Variants in PACRG observed in about 807,000 individuals in gnomAD.
PACRG encodes parkin coregulated gene protein.
A neutral mutation model predicts 29.7 loss-of-function variants in PACRG; 29 were observed. That is an observed-to-expected ratio of 0.98 (90% CI 0.73 to 1.33). PACRG has a LOEUF of 1.33. Ranked by LOEUF, PACRG falls within the 40% of genes most tolerant of loss-of-function variation. The pLI, the probability that PACRG is intolerant of heterozygous loss-of-function variation, is 0.00. For synonymous variants in PACRG, 116 were observed against 118.7 expected (o/e 0.98, Z 0.15); for missense variants, 279 against 316.2 (o/e 0.88, Z 0.89).
At chr6:162,775,919 T>A (rs1258311345) in intron 1 of PACRG, among the ~76,000 whole-genome samples, 1 of 152,222 alleles carries the variant, frequency 6.6e-6, no homozygotes, top group African/African-American at 2.4e-5. Context: ...AAGTTTGTCT[T>A]ATGATAACTC....
intron 2 of PACRG, among the ~76,000 whole-genome samples, chr6:162,978,778 T>C (rs1228935573): frequency 2.6e-5 from 4 of 152,268 alleles, no homozygotes; most frequent in South Asian, 4.1e-4. Context: ...CTATATTATT[T>C]AATAAGAAAA....
chr6:162,933,293 C>G (rs1332127986), intron 2 of PACRG, among the ~76,000 whole-genome samples: 1 of 152,054 alleles, frequency 6.6e-6, no homozygotes, highest in Non-Finnish European at 1.5e-5. Context: ...GAGAATGTTT[C>G]ATGTGCTGAT....
chr6:163,130,829 A>C (rs1816704507), intron 4 of PACRG, among the ~76,000 whole-genome samples: 1 of 152,164 alleles, frequency 6.6e-6, no homozygotes, highest in South Asian at 2.1e-4. Context: ...GGGAAACGTT[A>C]CTGGGCCAGA....
At chr6:163,087,266 G>A (rs1321239166) in intron 3 of PACRG, among the ~76,000 whole-genome samples, 4 of 151,878 alleles carry the variant, frequency 2.6e-5, no homozygotes, top group African/African-American at 9.7e-5. Context: ...CAGAGAAGAG[G>A]AGGTGAGGCT....
chr6:162,847,962 A>AG (rs1790546505), intron 2 of PACRG, among the ~76,000 whole-genome samples: 1 of 152,184 alleles, frequency 6.6e-6, no homozygotes, highest in Non-Finnish European at 1.5e-5. Flanking sequence ...CATCAGGAAT[A>AG]GGGAAGAGAA....
chr6:162,873,296 C>A (rs1306803064), intron 2 of PACRG, among the ~76,000 whole-genome samples: 1 of 152,122 alleles, frequency 6.6e-6, no homozygotes, highest in East Asian at 1.9e-4. Flanking sequence ...CCCTGTCCAT[C>A]ATAGATTCCT....
At chr6:163,101,328 G>T in intron 4 of PACRG, 18 of 982,050 alleles carry the variant, frequency 1.8e-5, no homozygotes, top group Non-Finnish European at 2.2e-5. Flanking sequence ...CTTTGTGTTT[G>T]ACCTGCATGC....
intron 4 of PACRG, among the ~76,000 whole-genome samples, chr6:163,113,264 C>T (rs962165857): frequency 6.6e-6 from 1 of 152,056 alleles, no homozygotes; most frequent in East Asian, 1.9e-4. Context: ...TGTGGAACAT[C>T]ATAAAGTGGA....
chr6:163,227,110 C>T (rs1419443865), intron 4 of PACRG, among the ~76,000 whole-genome samples: 1 of 152,108 alleles, frequency 6.6e-6, no homozygotes, highest in Non-Finnish European at 1.5e-5. Flanking sequence ...TAAGGAAATA[C>T]CTGAGGCTGG....
At chr6:163,198,513 G>A (rs1780568634) in intron 4 of PACRG, among the ~76,000 whole-genome samples, 1 of 152,186 alleles carries the variant, frequency 6.6e-6, no homozygotes, top group African/African-American at 2.4e-5. Flanking sequence ...ATGAAAGTGA[G>A]GCCCAGAGAT....
chr6:163,113,892 G>A (rs1815842528), intron 4 of PACRG, among the ~76,000 whole-genome samples: 1 of 152,142 alleles, frequency 6.6e-6, no homozygotes, highest in South Asian at 2.1e-4. Context: ...TCCACATTTT[G>A]TTTTCTACAT....
At position 162,973,966 on chromosome 6, in the gene PACRG, T is replaced by C. The variant is rs1801745880; in HGVS notation, c.292-88184T>C. On this transcript the variant is annotated intron_variant, in intron 2 of 4. Transcript: ENST00000366888. ...CAAAGCTATAAATTTACCCACAGTG[T>C]TTAAACACTCCTTTGTGATTATTTT... 2.0e-5 allele frequency among the ~76,000 whole-genome samples: 3 copies of C among 152,198 alleles called. No individual in the cohort carries two copies. The South Asian group carries it at 6.2e-4, about 31-fold the overall frequency.
At chr6:162,886,460 C>A (rs752462369) in intron 2 of PACRG, among the ~76,000 whole-genome samples, 13 of 152,184 alleles carry the variant, frequency 8.5e-5, no homozygotes, top group Non-Finnish European at 1.6e-4. Flanking sequence ...TCTTACATGA[C>A]TTCATACAAT....
intron 2 of PACRG, among the ~76,000 whole-genome samples, chr6:162,851,036 C>G (rs916754878): frequency 1.3e-5 from 2 of 152,168 alleles, no homozygotes; most frequent in Admixed American, 6.5e-5. Flanking sequence ...GGGAAATCCC[C>G]CACACATTTG....
intron 2 of PACRG, among the ~76,000 whole-genome samples, chr6:162,863,807 G>A (rs1792070187): frequency 1.3e-5 from 2 of 152,208 alleles, no homozygotes; most frequent in Non-Finnish European, 2.9e-5. Context: ...ACCAAGATTT[G>A]AATATAGGTC....
At chr6:163,002,646 G>A (rs566981411) in intron 2 of PACRG, among the ~76,000 whole-genome samples, 17 of 152,198 alleles carry the variant, frequency 1.1e-4, no homozygotes, top group Admixed American at 5.9e-4. Context: ...ATGTCTTCAC[G>A]TTTTGCAAAA....
intron 1 of PACRG, among the ~76,000 whole-genome samples, chr6:162,737,371 A>T (rs1562545249): frequency 6.6e-6 from 1 of 152,162 alleles, no homozygotes; most frequent in African/African-American, 2.4e-5. Context: ...TCTGGGGTTG[A>T]TTTAATTAGT....
intron 1 of PACRG, among the ~76,000 whole-genome samples, chr6:162,741,500 G>A (rs1010866494): frequency 1.3e-5 from 2 of 152,074 alleles, no homozygotes; most frequent in Non-Finnish European, 2.9e-5. Context: ...ACATGTTTGT[G>A]AGGAGAGCAT....
intron 4 of PACRG, among the ~76,000 whole-genome samples, chr6:163,265,762 A>G (rs1783508854): frequency 6.6e-6 from 1 of 152,230 alleles, no homozygotes; most frequent in Non-Finnish European, 1.5e-5. Context: ...CTAAGTAGCT[A>G]GTTGACATGT....
Sources: gnomAD v4.1 joint callset for allele counts (sites outside exome capture counted in the v4.1 genomes callset) on GRCh38, gnomAD v4.1.1 for gene constraint, MANE v1.5 for transcripts, NCBI Gene and HGNC (gene_info 2026-07-23, HGNC 2026-07-21) for gene names.